The following THSD4 variants were observed in gnomAD, a reference collection of about 807,000 sequenced individuals.
THSD4 encodes thrombospondin type-1 domain-containing protein 4.
Under a neutral mutation model 119.0 loss-of-function variants are expected in THSD4, and 69 were observed. That is an observed-to-expected ratio of 0.58 (90% confidence interval 0.48 to 0.71). The LOEUF (loss-of-function observed/expected upper bound fraction) is 0.71. THSD4 is among the 30% of genes least tolerant of loss of function. The pLI, the probability that THSD4 is intolerant of heterozygous loss-of-function variation, is 0.00. For synonymous variants in THSD4, 524 were observed against 540.4 expected (o/e 0.97, Z 0.42); for missense variants, 1,393 against 1,391.1 (o/e 1.00, Z -0.02).
intron 7 of THSD4, among the ~76,000 whole-genome samples, chr15:71,468,171 G>T (rs2047526659): frequency 6.6e-6 from 1 of 152,116 alleles, no homozygotes; most frequent in African/African-American, 2.4e-5. Context: ...TTATAAAGGG[G>T]AGCTCCCATG....
chr15:71,242,702 C>A lies in THSD4; in HGVS notation c.518C>A (p.Pro173Gln), dbSNP rs2044163393. The A allele has an allele frequency of 6.2e-7, 1 of 1,614,190 alleles. No homozygotes were observed. Among genetic ancestry groups the A allele is most frequent in the Non-Finnish European group, 8.5e-7 (1 of 1,180,048 alleles). ...GGCAAGTATGGCTATGGTAAGGCCC[C>A]ATATATCTTACCACTGCAGACAGAC... ...GPGKYGYGKA[P>Q]YILPLQTDTA... Residue 173 changes from proline (P) to glutamine (Q), a missense_variant, in exon 5 of 18, where the codon CCA (proline) becomes CAA (glutamine). Coordinates refer to ENST00000261862, the MANE Select transcript of THSD4 (RefSeq NM_024817.3).
intron 1 of THSD4, among the ~76,000 whole-genome samples, chr15:71,109,128 G>A (rs1436441987): frequency 6.6e-6 from 1 of 152,222 alleles, no homozygotes; most frequent in African/African-American, 2.4e-5. Flanking sequence ...CACTGATCCT[G>A]TAGCTTCTGG....
chr15:71,659,652 T>C (rs1338041282), intron 7 of THSD4, among the ~76,000 whole-genome samples: 1 of 152,142 alleles, frequency 6.6e-6, no homozygotes, highest in African/African-American at 2.4e-5. Flanking sequence ...GCTCAAGCAG[T>C]CCTCCTGCCT....
intron 7 of THSD4, among the ~76,000 whole-genome samples, chr15:71,652,102 C>T (rs1387198854): frequency 1.3e-5 from 2 of 152,212 alleles, no homozygotes; most frequent in African/African-American, 4.8e-5. Context: ...ATCAACCCAA[C>T]TCACTATTGC....
chr15:71,615,887 A>G (rs2050311266), intron 7 of THSD4, among the ~76,000 whole-genome samples: 1 of 152,160 alleles, frequency 6.6e-6, no homozygotes, highest in Non-Finnish European at 1.5e-5. Flanking sequence ...GTGTGGATGA[A>G]TATGTTCTCA....
At chr15:71,382,760 T>G (rs944177677) in intron 6 of THSD4, among the ~76,000 whole-genome samples, 8 of 152,206 alleles carry the variant, frequency 5.3e-5, no homozygotes, top group African/African-American at 1.7e-4. Context: ...TTTTATAATT[T>G]TTAGAAATGT....
At chr15:71,573,719 A>G (rs577349492) in intron 7 of THSD4, among the ~76,000 whole-genome samples, 1 of 152,316 alleles carries the variant, frequency 6.6e-6, no homozygotes, top group African/African-American at 2.4e-5. Flanking sequence ...ATTGCTGTAG[A>G]GGTAGGTTAT....
intron 8 of THSD4, among the ~76,000 whole-genome samples, chr15:71,664,908 G>A (rs575593321): frequency 6.6e-6 from 1 of 152,226 alleles, no homozygotes; most frequent in Admixed American, 6.5e-5. Flanking sequence ...TGGGCATTTA[G>A]GTTGATTCCA....
chr15:71,272,438 G>A (rs2044542659), intron 6 of THSD4, among the ~76,000 whole-genome samples: 1 of 150,624 alleles, frequency 6.6e-6, no homozygotes, highest in African/African-American at 2.4e-5. Context: ...GAAGTGGGGA[G>A]GGAGGGGCAA....
chr15:71,657,475 T>C (rs2051213449), intron 7 of THSD4, among the ~76,000 whole-genome samples: 1 of 152,210 alleles, frequency 6.6e-6, no homozygotes, highest in South Asian at 2.1e-4. Flanking sequence ...AGCTAAATAT[T>C]AAGGTCTTGA....
intron 6 of THSD4, among the ~76,000 whole-genome samples, chr15:71,409,152 T>TC (rs1448314255): frequency 9.0e-5 from 6 of 66,916 alleles, no homozygotes; most frequent in South Asian, 4.3e-4. Flanking sequence ...TAGCTTTTTT[T>TC]TTTCCCCCCC....
chr15:71,547,664 T>C (rs1234876250), intron 7 of THSD4: 1 of 688,848 alleles, frequency 1.5e-6, no homozygotes, highest in Non-Finnish European at 2.2e-6. Flanking sequence ...TCTTGAAGAA[T>C]TTTATACTTT....
At chr15:71,512,569 C>T (rs1020270623) in intron 7 of THSD4, among the ~76,000 whole-genome samples, 4 of 152,128 alleles carry the variant, frequency 2.6e-5, no homozygotes, top group Admixed American at 6.5e-5. Context: ...ACAAAAACCA[C>T]GGGTTTTTAA....
chr15:71,534,488 C>T (rs1045500941), intron 7 of THSD4, among the ~76,000 whole-genome samples: 3 of 152,194 alleles, frequency 2.0e-5, no homozygotes, highest in African/African-American at 7.2e-5. Flanking sequence ...ACTGCCTATT[C>T]ATGGTCATTC....
chr15:71,114,218 G>T (rs1347377594), upstream of THSD4, among the ~76,000 whole-genome samples: 2 of 150,878 alleles, frequency 1.3e-5, no homozygotes, highest in Non-Finnish European at 2.9e-5. Context: ...TTTCCCTTTT[G>T]TTAATTTTTT....
At chr15:71,436,797 G>C (rs2047019429) in intron 7 of THSD4, among the ~76,000 whole-genome samples, 1 of 152,202 alleles carries the variant, frequency 6.6e-6, no homozygotes, top group African/African-American at 2.4e-5. Flanking sequence ...GGCAATTGGA[G>C]ATGAGGGAAA....
At chr15:71,696,578 C>G (rs1039428484) in intron 8 of THSD4, among the ~76,000 whole-genome samples, 1 of 152,060 alleles carries the variant, frequency 6.6e-6, no homozygotes, top group Admixed American at 6.6e-5. Context: ...TGGGGGCTTC[C>G]AATTAGCTGA....
chr15:71,640,082 G>T lies in THSD4; in HGVS notation c.1153-20448G>T, dbSNP rs2140961407. 2.0e-5 allele frequency among the ~76,000 whole-genome samples: 3 copies of T among 151,832 alleles called. 1 individual carries two copies. In the East Asian group the frequency reaches 5.8e-4, roughly 29 times the overall value. The stretch of plus-strand genomic sequence containing the variant: ...GTGGTAACAACGGCAACTTTTTTTT[G>T]CAACTTTCTTTTTCTTTTATTGGAC... On this transcript the variant is annotated intron_variant, in intron 7 of 17. Coordinates refer to ENST00000261862, the MANE Select transcript of THSD4 (RefSeq NM_024817.3).
At position 71,108,195 on chromosome 15, in the gene THSD4, C is replaced by CCCT. The variant is rs2040281985; in HGVS notation, c.-80+11191_-80+11192insTCC. ...GCTGGGGCCTGGAGGTGGGAGCTGT[C>CCCT]CCAGTGCTATGGAAGAAATGCTTCT... On this transcript the variant is annotated intron_variant, in intron 1 of 17. Transcript: ENST00000355327. Among the ~76,000 whole-genome samples, 3 of 152,272 alleles carry CCCT rather than the reference C, an allele frequency of 2.0e-5. No individual in the cohort carries two copies. The South Asian group carries it at 6.2e-4, about 32-fold the overall frequency.
Sources: allele counts gnomAD v4.1 joint callset (sites outside exome capture counted in the v4.1 genomes callset), GRCh38; gene constraint gnomAD v4.1.1; transcripts MANE v1.5; gene names NCBI Gene and HGNC (gene_info 2026-07-23, HGNC 2026-07-21).